The following KLF12 variants were observed in gnomAD, a reference collection of about 807,000 sequenced individuals.
The protein encoded by KLF12 is Krueppel-like factor 12.
KLF12 carries 9 observed loss-of-function variants against 37.8 expected under a neutral mutation model. That is an observed-to-expected ratio of 0.24 (90% CI 0.14 to 0.42). The LOEUF is 0.42. KLF12 is among the 10% of genes least tolerant of loss of function. The probability of loss-of-function intolerance (pLI) is 1.00; values close to 1 mark genes in which losing one functional copy is unlikely to be tolerated. For missense variants in KLF12, 411 were observed against 516.0 expected, an observed-to-expected ratio of 0.80 and a Z score of 1.97; for synonymous variants, 208 against 202.1, an observed-to-expected ratio of 1.03 and a Z score of -0.25.
intron 2 of KLF12, among the ~76,000 whole-genome samples, chr13:73,981,354 A>T (rs1891684112): frequency 6.6e-6 from 1 of 152,224 alleles, no homozygotes; most frequent in Non-Finnish European, 1.5e-5. Context: ...CAAAAAGCTT[A>T]AAAGAATAGG....
At chr13:73,777,438 G>A (rs150605574) in intron 5 of KLF12, among the ~76,000 whole-genome samples, 155 of 152,346 alleles carry the variant, frequency 1.0e-3, no homozygotes, top group African/African-American at 3.6e-3. Context: ...GCTGGGCATG[G>A]TGGCTCACGC....
At chr13:73,952,065 T>A (rs1408823894) in intron 2 of KLF12, among the ~76,000 whole-genome samples, 1 of 152,138 alleles carries the variant, frequency 6.6e-6, no homozygotes, top group African/African-American at 2.4e-5. Context: ...GATATGAAAT[T>A]CCCCATATTG....
At chr13:74,233,416 A>G in the KLF12 span, among the ~76,000 whole-genome samples, 1 of 152,194 alleles carries the variant, frequency 6.6e-6, no homozygotes, top group African/African-American at 2.4e-5. Flanking sequence ...GTGGCCAGAA[A>G]AACACGAGAG....
At chr13:73,789,190 G>A (rs770757649) in intron 5 of KLF12, among the ~76,000 whole-genome samples, 2 of 152,104 alleles carry the variant, frequency 1.3e-5, no homozygotes, top group Non-Finnish European at 2.9e-5. Flanking sequence ...TCGATTGTTG[G>A]TCCTGAAGTG....
At chr13:74,080,899 T>C (rs1264143360) in intron 1 of KLF12, among the ~76,000 whole-genome samples, 1 of 152,194 alleles carries the variant, frequency 6.6e-6, no homozygotes, top group Non-Finnish European at 1.5e-5. Flanking sequence ...TTTAAGTCTC[T>C]CTCTCTACAA....
intron 2 of KLF12, among the ~76,000 whole-genome samples, chr13:73,985,028 A>C (rs55886627): frequency 0.039 from 398 of 10,186 alleles, 5 homozygotes; most frequent in African/African-American, 0.043. Context: ...GCCTGGTGTT[A>C]TCCCCCCACC....
chr13:74,198,672 A>T, the KLF12 span, among the ~76,000 whole-genome samples: 2 of 152,166 alleles, frequency 1.3e-5, no homozygotes, highest in Non-Finnish European at 2.9e-5. Flanking sequence ...TTTTACAAAA[A>T]TGTTGATCTG....
At chr13:74,221,306 A>T in the KLF12 span, among the ~76,000 whole-genome samples, 36 of 152,138 alleles carry the variant, frequency 2.4e-4, no homozygotes, top group Non-Finnish European at 4.4e-4. Context: ...GCGCCCAGCC[A>T]TCACTTAGTC....
At chr13:74,096,373 T>C (rs1419069277) in intron 1 of KLF12, among the ~76,000 whole-genome samples, 1 of 152,108 alleles carries the variant, frequency 6.6e-6, no homozygotes, top group African/African-American at 2.4e-5. Flanking sequence ...CACATATAAC[T>C]ACAGGAAGAA....
At chr13:73,905,333 G>A (rs1888227573) in intron 3 of KLF12, among the ~76,000 whole-genome samples, 1 of 149,706 alleles carries the variant, frequency 6.7e-6, no homozygotes, top group Non-Finnish European at 1.5e-5. Flanking sequence ...CTGAGACAGC[G>A]CTAACCTTTT....
chr13:74,190,118 C>A, the KLF12 span, among the ~76,000 whole-genome samples: 1 of 152,062 alleles, frequency 6.6e-6, no homozygotes, highest in Non-Finnish European at 1.5e-5. Flanking sequence ...AGTACACTTA[C>A]TGAGTCAAAA....
chr13:73,728,218 T>C (rs1444255993), intron 6 of KLF12, among the ~76,000 whole-genome samples: 1 of 152,258 alleles, frequency 6.6e-6, no homozygotes, highest in Non-Finnish European at 1.5e-5. Context: ...TTTTTCATGC[T>C]ATTGTAAATG....
intron 5 of KLF12, chr13:73,800,547 A>G (rs1391172050): frequency 6.6e-6 from 1 of 152,040 alleles, no homozygotes; most frequent in Non-Finnish European, 1.5e-5. Flanking sequence ...GGAGGAAAAT[A>G]TTTCCTCACC....
At chr13:74,267,487 GAC>G in the KLF12 span, among the ~76,000 whole-genome samples, 29 of 152,298 alleles carry the variant, frequency 1.9e-4, no homozygotes, top group Admixed American at 6.5e-4. Flanking sequence ...GGTACAGAAA[GAC>G]AAATATTGCA....
At chr13:73,967,790 C>T (rs1390570073) in intron 2 of KLF12, among the ~76,000 whole-genome samples, 1 of 152,172 alleles carries the variant, frequency 6.6e-6, no homozygotes, top group Non-Finnish European at 1.5e-5. Context: ...ATATCTTCTA[C>T]ATAGAAGGCA....
the KLF12 span, among the ~76,000 whole-genome samples, chr13:74,195,518 G>T: frequency 7.6e-4 from 116 of 152,286 alleles, no homozygotes; most frequent in African/African-American, 2.8e-3. Context: ...TCATGTCTGA[G>T]ATTGGGAAGC....
chr13:74,272,017 C>A, the KLF12 span, among the ~76,000 whole-genome samples: 5,753 of 152,182 alleles, frequency 0.038, 162 homozygotes, highest in East Asian at 0.11. Flanking sequence ...CTTGACCAGC[C>A]CTAGCTGCAA....
chr13:74,064,250 T>C (rs866870405), intron 1 of KLF12, among the ~76,000 whole-genome samples: 54 of 152,276 alleles, frequency 3.5e-4, no homozygotes, highest in African/African-American at 1.2e-3. Flanking sequence ...AGAGAACACA[T>C]AGGCTCATAT....
At chr13:74,148,653 C>A in the KLF12 span, among the ~76,000 whole-genome samples, 1 of 152,036 alleles carries the variant, frequency 6.6e-6, no homozygotes, top group Non-Finnish European at 1.5e-5. Context: ...TTTAACACAA[C>A]CCTGATAGTT....
Sources: gnomAD v4.1 joint callset for allele counts (sites outside exome capture counted in the v4.1 genomes callset) on GRCh38, gnomAD v4.1.1 for gene constraint, MANE v1.5 for transcripts, NCBI Gene and HGNC (gene_info 2026-07-23, HGNC 2026-07-21) for gene names.